The following NET1 variants were observed in gnomAD, a reference collection of about 807,000 sequenced individuals.
The protein encoded by NET1 is neuroepithelial cell transforming 1, also known as neuroepithelial cell-transforming gene 1 protein.
A neutral mutation model predicts 61.1 loss-of-function variants in NET1; 42 were observed. The observed-to-expected ratio is 0.69, with a 90% CI of 0.54 to 0.89. The LOEUF is 0.89. Among genes scored for constraint, NET1 ranks in the 40% least tolerant of loss-of-function variants. The pLI, the probability that NET1 is intolerant of heterozygous loss-of-function variation, is 0.00. For synonymous variants in NET1, 254 were observed against 281.8 expected, an observed-to-expected ratio of 0.90 and a Z score of 0.99; for missense variants, 654 against 747.3, an observed-to-expected ratio of 0.88 and a Z score of 1.46.
At chr10:5,442,987 G>A (rs569994577) in intron 3 of NET1, among the ~76,000 whole-genome samples, 1 of 152,172 alleles carries the variant, frequency 6.6e-6, no homozygotes, top group East Asian at 1.9e-4. Flanking sequence ...AGGCTATAAG[G>A]CAGCTAATCT....
chr10:5,425,038 A>C (rs539303591), intron 1 of NET1, among the ~76,000 whole-genome samples: 1 of 152,346 alleles, frequency 6.6e-6, no homozygotes, highest in Admixed American at 6.5e-5. Context: ...GAGGCCTTTC[A>C]TGATGCTTTA....
At position 5,422,211 on chromosome 10, in the gene NET1, C is replaced by T. The variant is rs1832185834; in HGVS notation, c.129-4444C>T. On this transcript the variant is annotated intron_variant, in intron 1 of 11. Transcript: ENST00000355029. This position sits in a 1 kb window ranked among gnomAD's most constrained non-coding sequence, Gnocchi z 4.1. Reference sequence around the variant, plus strand: ...ATTTAGCTGGGCATGGTGGCGTGCCCCTGTAATCCTAGCTACTCGGGAGAT... The same window carrying T: ...ATTTAGCTGGGCATGGTGGCGTGCCTCTGTAATCCTAGCTACTCGGGAGAT... Among the ~76,000 whole-genome samples, 1 of 152,008 alleles carries T rather than the reference C, an allele frequency of 6.6e-6. No individual in the cohort carries two copies. Among genetic ancestry groups the T allele is most frequent in the Non-Finnish European group, 1.5e-5 (1 of 68,012 alleles).
At position 5,420,002 on chromosome 10, in the gene NET1, G is replaced by C. The variant is rs1011583363; in HGVS notation, c.129-6653G>C. 6.6e-6 allele frequency among the ~76,000 whole-genome samples: 1 copy of C among 152,028 alleles called. No individual in the cohort carries two copies. The highest frequency in any genetic ancestry group is 1.5e-5 in the Non-Finnish European group (1 of 68,004). On this transcript the variant is annotated intron_variant, in intron 1 of 11. Transcript: ENST00000355029. This position sits in a 1 kb window ranked among gnomAD's most constrained non-coding sequence, Gnocchi z 5.3. ...TGTGTCTGTCTGTGGATATCTTTGT[G>C]TTATCTTACTTGAAGTTTATTGAGC...
chr10:5,440,307 T>G lies in NET1; in HGVS notation c.255+11078T>G, dbSNP rs1832505398. On this transcript the variant is annotated intron_variant, in intron 3 of 11. Coordinates refer to ENST00000355029, the MANE Select transcript of NET1 (RefSeq NM_001047160.3). This position sits in a 1 kb window ranked among gnomAD's most constrained non-coding sequence, Gnocchi z 4.1. Reference sequence around the variant, plus strand: ...AACTACTTTTGACCCTTCTTACTAATGAGGATTGAAAAGAACACATAGGCC... The same window carrying G: ...AACTACTTTTGACCCTTCTTACTAAGGAGGATTGAAAAGAACACATAGGCC... Among the ~76,000 whole-genome samples the G allele has an allele frequency of 6.6e-6, 1 of 152,178 alleles. No individual in the cohort carries two copies. Among genetic ancestry groups the G allele is most frequent in the Admixed American group, 6.5e-5 (1 of 15,282 alleles).
At position 5,452,027 on chromosome 10, in the gene NET1, G is replaced by A. The variant is rs774155018; in HGVS notation, c.363+90G>A. On this transcript the variant is annotated intron_variant, in intron 4 of 11. Coordinates refer to ENST00000355029, the MANE Select transcript of NET1 (RefSeq NM_001047160.3). The surrounding 1 kb of genome is among the most constrained non-coding windows in gnomAD (Gnocchi z 4.0). ...GTCTTTGAGCTGTACAAACAAGTTT[G>A]CATTATTATATTTAAACATAGTTTT... is the stretch of plus-strand genomic sequence containing the variant. 46 of 937,710 alleles carry A rather than the reference G, an allele frequency of 4.9e-5. No homozygotes were observed. Among genetic ancestry groups the A allele is most frequent in the Non-Finnish European group, 7.4e-5 (46 of 620,284 alleles). 58.1% of individuals were successfully genotyped at this position (937,710 alleles called of 1,614,324 possible). A position where few individuals can be genotyped will look rare whatever the true frequency, so the allele number is the denominator to read the frequency against.
At position 5,454,638 on chromosome 10, in the gene NET1, T is replaced by C; in HGVS notation, c.1026+116T>C. 3 of 1,266,350 alleles carry C rather than the reference T, an allele frequency of 2.4e-6. No homozygotes were observed. In the Admixed American group the frequency reaches 7.5e-5, roughly 32 times the overall value. 78.4% of individuals were successfully genotyped at this position (1,266,350 alleles called of 1,614,324 possible). The stretch of plus-strand genomic sequence containing the variant: ...CAGCATAGTGAATTGTTTTGTTGTT[T>C]TAAGTACCCAGTGCGTTAGTACGCT... On this transcript the variant is annotated intron_variant, in intron 9 of 11. Transcript: ENST00000355029. The surrounding 1 kb of genome is among the most constrained non-coding windows in gnomAD (Gnocchi z 8.1).
rs1192962494 is a variant in NET1 at position 5,427,668 on chromosome 10, CCA to C, written c.195+948_195+949del. 6.6e-6 allele frequency among the ~76,000 whole-genome samples: 1 copy of C among 152,180 alleles called. No homozygotes were observed. The highest frequency in any genetic ancestry group is 2.4e-5 in the African/African-American group (1 of 41,456). ...AAATATTTCTTGAGTTCCAACACCT[CCA>C]TTCTGATATATATTGTTCTTTCATG... is the stretch of plus-strand genomic sequence containing the variant. On this transcript the variant is annotated intron_variant, in intron 2 of 11. Transcript: ENST00000355029. The surrounding 1 kb of genome is among the most constrained non-coding windows in gnomAD (Gnocchi z 4.1).
rs1832254307 is a variant in NET1, at chr10:5,426,080, G to A, written c.129-575G>A. Among the ~76,000 whole-genome samples, 1 of 152,080 alleles carries A rather than the reference G, an allele frequency of 6.6e-6. No homozygotes were observed. The highest frequency in any genetic ancestry group is 1.5e-5 in the Non-Finnish European group (1 of 67,996). On this transcript the variant is annotated intron_variant, in intron 1 of 11. Transcript: ENST00000355029. This position sits in a 1 kb window ranked among gnomAD's most constrained non-coding sequence, Gnocchi z 4.6. The stretch of plus-strand genomic sequence containing the variant: ...AGAAACACAGAAAAATCTTTTAATA[G>A]TAAAGAACAAAATTCTAATCACATT...
At position 5,443,747 on chromosome 10, in the gene NET1, A is replaced by C. The variant is rs1240589569; in HGVS notation, c.256-8083A>C. Among the ~76,000 whole-genome samples, 1 of 152,216 alleles carries C rather than the reference A, an allele frequency of 6.6e-6. No homozygotes were observed. Among genetic ancestry groups the C allele is most frequent in the Non-Finnish European group, 1.5e-5 (1 of 68,046 alleles). ...ATTTGTTTTCTATTTCTGTATTTAC[A>C]TATAAAGACTTCTACCTTTACCTCT... On this transcript the variant is annotated intron_variant, in intron 3 of 11. Coordinates refer to ENST00000355029, the MANE Select transcript of NET1 (RefSeq NM_001047160.3). The surrounding 1 kb of genome is among the most constrained non-coding windows in gnomAD (Gnocchi z 4.8).
chr10:5,440,169 C>T lies in NET1; in HGVS notation c.255+10940C>T, dbSNP rs1367729652. Among the ~76,000 whole-genome samples, 7 of 152,202 alleles carry T rather than the reference C, an allele frequency of 4.6e-5. No homozygotes were observed. Among genetic ancestry groups the T allele is most frequent in the Admixed American group, 3.9e-4 (6 of 15,282 alleles). ...GTATAATGTTATTAATACAGTGGGC[C>T]TGTATGATGTTCTGTGAAATATCCG... On this transcript the variant is annotated intron_variant, in intron 3 of 11. Transcript: ENST00000355029. This position sits in a 1 kb window ranked among gnomAD's most constrained non-coding sequence, Gnocchi z 4.1.
Position 5,441,435 on chromosome 10 carries a change from TTTGGGG to T in NET1, c.256-10394_256-10389del. 6.6e-6 allele frequency among the ~76,000 whole-genome samples: 1 copy of T among 152,200 alleles called. No homozygotes were observed. The highest frequency in any genetic ancestry group is 1.5e-5 in the Non-Finnish European group (1 of 68,034). On this transcript the variant is annotated intron_variant, in intron 3 of 11. Transcript: ENST00000355029. This position sits in a 1 kb window ranked among gnomAD's most constrained non-coding sequence, Gnocchi z 4.6. ...AGACACAATATCCTTTTGTCTTTAGTTTGGGGCCTTAAGCTGAAGTTCAGGGAAAAA... is the reference window on the plus strand; with the variant it reads ...AGACACAATATCCTTTTGTCTTTAGTCCTTAAGCTGAAGTTCAGGGAAAAA...
In NET1 at chr10:5,412,743, C is replaced by G. The variant is rs774046393; in HGVS notation, c.51C>G (p.Ser17Arg). 198 of 1,481,292 alleles carry G rather than the reference C, an allele frequency of 1.3e-4. No homozygotes were observed. In the African/African-American group the frequency reaches 2.7e-3, roughly 20 times the overall value. The allele number at this position is 1,481,292 out of a possible 1,614,324, so 91.8% of individuals were successfully genotyped here. The change falls in exon 1 of 12, where the codon AGC becomes AGG. Residue 17 changes from serine (S) to arginine (R), a missense_variant. Coordinates refer to ENST00000355029, the MANE Select transcript of NET1 (RefSeq NM_001047160.3). The surrounding 1 kb of genome is among the most constrained non-coding windows in gnomAD (Gnocchi z 6.5). ...AGCAGCCTCGACCGCGGAGGCGAAG[C>G]CGCCGGGCCTCTGGGCTCAGCACGG... ...AQKQPRPRRR[S>R]RRASGLSTEG...
rs540380761 is a variant in NET1, at chr10:5,415,800, T to C, written c.128+2980T>C. ...AAGAGTTCTTTATTCTGGATACAAG[T>C]CCCTTATCAGATAGATTATTTGCAA... On this transcript the variant is annotated intron_variant, in intron 1 of 11. Transcript: ENST00000355029. The surrounding 1 kb of genome is among the most constrained non-coding windows in gnomAD (Gnocchi z 4.7). Among the ~76,000 whole-genome samples, 1 of 152,188 alleles carries C rather than the reference T, an allele frequency of 6.6e-6. No individual in the cohort carries two copies.
chr10:5,440,713 C>A lies in NET1; in HGVS notation c.256-11117C>A, dbSNP rs2119196988. ...AGTTCTGTCAGCTGCTTTTTCAAATCTTTTAAAGCAATTAGCCAAAGCCAG... is the reference window on the plus strand; with the variant it reads ...AGTTCTGTCAGCTGCTTTTTCAAATATTTTAAAGCAATTAGCCAAAGCCAG... On this transcript the variant is annotated intron_variant, in intron 3 of 11. Transcript: ENST00000355029. The surrounding 1 kb of genome is among the most constrained non-coding windows in gnomAD (Gnocchi z 4.1). Among the ~76,000 whole-genome samples, 1 of 152,300 alleles carries A rather than the reference C, an allele frequency of 6.6e-6. No individual in the cohort carries two copies. Among genetic ancestry groups the A allele is most frequent in the Middle Eastern group, 3.4e-3 (1 of 294 alleles).
intron 3 of NET1, among the ~76,000 whole-genome samples, chr10:5,433,374 A>G (rs1832378718): frequency 6.6e-6 from 1 of 152,196 alleles, no homozygotes. Flanking sequence ...TAAACACTGC[A>G]GTATCTGGGC....
rs1187321614 is a variant in NET1 at position 5,435,074 on chromosome 10, A to G, written c.255+5845A>G. On this transcript the variant is annotated intron_variant, in intron 3 of 11. Transcript: ENST00000355029. This position sits in a 1 kb window ranked among gnomAD's most constrained non-coding sequence, Gnocchi z 5.0. ...ATTAAGCTGTATTTATACTTTGAAAATAATGATTGGCTAAAACAGAGATAC... is the reference window on the plus strand; with the variant it reads ...ATTAAGCTGTATTTATACTTTGAAAGTAATGATTGGCTAAAACAGAGATAC... Among the ~76,000 whole-genome samples the G allele has an allele frequency of 1.3e-5, 2 of 152,162 alleles. No individual in the cohort carries two copies. Among genetic ancestry groups the G allele is most frequent in the Middle Eastern group, 3.2e-3 (1 of 316 alleles).
chr10:5,450,275 A>G (rs532624814), intron 3 of NET1, among the ~76,000 whole-genome samples: 1 of 152,320 alleles, frequency 6.6e-6, no homozygotes, highest in South Asian at 2.1e-4. Context: ...TTCATTATCT[A>G]CCAAGTTTCC....
chr10:5,453,326 C>G lies in NET1; in HGVS notation c.671C>G (p.Ser224Cys), dbSNP rs1832738894. The G allele has an allele frequency of 6.8e-6, 11 of 1,610,904 alleles. No individual in the cohort carries two copies. Among genetic ancestry groups the G allele is most frequent in the Non-Finnish European group, 9.3e-6 (11 of 1,177,090 alleles). Reference protein sequence around the residue: ...ELTHIFGDLDSYIPLHEDLLT... With the variant: ...ELTHIFGDLDCYIPLHEDLLT... ...ACACATATATTTGGTGATCTGGACT[C>G]TTACATACCTCTGCATGAAGGTTAG... Residue 224 changes from serine (S) to cysteine (C), a missense_variant, in exon 7 of 12, where the codon TCT becomes TGT. Physicochemically the swap from Ser to Cys is moderately radical, Grantham distance 112. Coordinates refer to ENST00000355029, the MANE Select transcript of NET1 (RefSeq NM_001047160.3). This position sits in a 1 kb window ranked among gnomAD's most constrained non-coding sequence, Gnocchi z 4.9.
At chr10:5,438,005 A>G (rs1475437173) in intron 3 of NET1, among the ~76,000 whole-genome samples, 11 of 151,994 alleles carry the variant, frequency 7.2e-5, no homozygotes, top group Admixed American at 5.9e-4. Flanking sequence ...TAAACAATCA[A>G]TGAGTCAAAA....
Sources: gnomAD v4.1 joint callset for allele counts (sites outside exome capture counted in the v4.1 genomes callset) on GRCh38, gnomAD v4.1.1 for gene constraint, Gnocchi (gnomAD v3.1) non-coding constraint, MANE v1.5 for transcripts, NCBI Gene and HGNC (gene_info 2026-07-23, HGNC 2026-07-21) for gene names.